The following GRIK2 variants were observed in gnomAD, a reference collection of about 807,000 sequenced individuals.
The protein encoded by GRIK2 is glutamate ionotropic receptor kainate type subunit 2, also known as glutamate receptor ionotropic, kainate 2.
GRIK2 carries 32 observed loss-of-function variants against 100.3 expected under a neutral mutation model. The ratio of observed to expected loss-of-function variants is 0.32; its 90% CI spans 0.24 to 0.43. The LOEUF is 0.43. Among genes scored for constraint, GRIK2 ranks in the 20% least tolerant of loss-of-function variants. The pLI is 1.00. For synonymous variants in GRIK2, 417 were observed against 389.4 expected (o/e 1.07, Z -0.83); for missense variants, 843 against 1,114.9 (o/e 0.76, Z 3.47).
intron 14 of GRIK2, among the ~76,000 whole-genome samples, chr6:101,966,177 G>C (rs1373191381): frequency 6.6e-6 from 1 of 151,950 alleles, no homozygotes; most frequent in African/African-American, 2.4e-5. Context: ...CCAAATTAAA[G>C]TTAATTATTC....
chr6:101,407,624 A>G (rs551193761), intron 2 of GRIK2, among the ~76,000 whole-genome samples: 59 of 151,622 alleles, frequency 3.9e-4, no homozygotes, highest in Admixed American at 1.8e-3. Flanking sequence ...GTGTAGCTCT[A>G]TCAGCCTCTT....
At chr6:101,621,321 C>T (rs988655751) in intron 2 of GRIK2, among the ~76,000 whole-genome samples, 1 of 152,040 alleles carries the variant, frequency 6.6e-6, no homozygotes, top group African/African-American at 2.4e-5. Context: ...GAAATGATGG[C>T]ACACGCCTGT....
At chr6:101,630,130 G>A (rs146350261) in intron 4 of GRIK2, among the ~76,000 whole-genome samples, 26 of 152,132 alleles carry the variant, frequency 1.7e-4, no homozygotes, top group African/African-American at 6.0e-4. Context: ...GGGCATCTTG[G>A]TTGATTCCAT....
chr6:101,752,514 T>G (rs1776857161), intron 7 of GRIK2, among the ~76,000 whole-genome samples: 1 of 152,196 alleles, frequency 6.6e-6, no homozygotes, highest in African/African-American at 2.4e-5. Context: ...AATATTTTAT[T>G]TCATTTCATT....
rs539038670 is a variant in GRIK2 at position 101,425,408 on chromosome 6, A to G, written c.115+26016A>G. ...TATATTTTAACAAGTATATTTTATT[A>G]TATAATTTCTATAATTATATTGCAT... On this transcript the variant is annotated intron_variant, in intron 2 of 16. Transcript: ENST00000369134. 9.8e-4 allele frequency among the ~76,000 whole-genome samples: 149 copies of G among 152,298 alleles called. 2 individuals are homozygous for G. The highest frequency in any genetic ancestry group is 2.3e-3 in the South Asian group (11 of 4,834).
rs139248847 is a variant in GRIK2, at chr6:101,500,481, G to A, written c.115+101089G>A. Among the ~76,000 whole-genome samples the A allele has an allele frequency of 1.1e-3, 166 of 152,130 alleles. 2 individuals carry two copies. In the East Asian group the frequency reaches 0.027, roughly 25 times the overall value. Reference sequence around the variant, plus strand: ...AGAGTTAACTAACTTTTAAGTTAACGTGACTTTGCAGATAACTACTTTTGG... The same window carrying A: ...AGAGTTAACTAACTTTTAAGTTAACATGACTTTGCAGATAACTACTTTTGG... On this transcript the variant is annotated intron_variant, in intron 2 of 16. Coordinates refer to ENST00000369134, the MANE Select transcript of GRIK2 (RefSeq NM_021956.5).
intron 2 of GRIK2, among the ~76,000 whole-genome samples, chr6:101,538,104 A>C (rs908882044): frequency 6.6e-6 from 1 of 151,806 alleles, no homozygotes; most frequent in African/African-American, 2.4e-5. Context: ...TCTTTTGCTT[A>C]CAGTATGATT....
intron 14 of GRIK2, among the ~76,000 whole-genome samples, chr6:101,967,063 A>T (rs981350070): frequency 2.0e-5 from 3 of 151,888 alleles, no homozygotes; most frequent in African/African-American, 7.2e-5. Flanking sequence ...AGTTGAAATA[A>T]AAAGATTGAG....
chr6:101,442,834 C>T (rs1227233345), intron 2 of GRIK2, among the ~76,000 whole-genome samples: 3 of 152,088 alleles, frequency 2.0e-5, no homozygotes, highest in Non-Finnish European at 4.4e-5. Context: ...CTGAGGGTGG[C>T]GGTTTTTGCT....
intron 7 of GRIK2, among the ~76,000 whole-genome samples, chr6:101,791,436 T>C (rs1779849095): frequency 6.6e-6 from 1 of 152,206 alleles, no homozygotes; most frequent in South Asian, 2.1e-4. Context: ...TCAAAGAAGA[T>C]CTTTATTTCT....
chr6:101,551,572 T>C (rs1776509070), intron 2 of GRIK2, among the ~76,000 whole-genome samples: 1 of 152,148 alleles, frequency 6.6e-6, no homozygotes, highest in African/African-American at 2.4e-5. Flanking sequence ...TTATTTTCAT[T>C]GATTTATTTA....
chr6:101,410,516 T>C (rs1775842004), intron 2 of GRIK2, among the ~76,000 whole-genome samples: 1 of 151,612 alleles, frequency 6.6e-6, no homozygotes, highest in Non-Finnish European at 1.5e-5. Context: ...CTAAACTGAC[T>C]TAAAAAAAAA....
At chr6:101,897,074 G>A (rs1413695821) in intron 12 of GRIK2, among the ~76,000 whole-genome samples, 2 of 150,348 alleles carry the variant, frequency 1.3e-5, no homozygotes, top group Admixed American at 6.7e-5. Context: ...AGCAGCACAC[G>A]TATAAAAAAT....
intron 14 of GRIK2, among the ~76,000 whole-genome samples, chr6:102,016,871 A>T (rs960772761): frequency 6.6e-6 from 1 of 152,154 alleles, no homozygotes; most frequent in Non-Finnish European, 1.5e-5. Flanking sequence ...AAAAGCAGCT[A>T]TAGAGAAAGG....
intron 7 of GRIK2, among the ~76,000 whole-genome samples, chr6:101,745,366 G>A (rs890808835): frequency 6.6e-6 from 1 of 152,016 alleles, no homozygotes; most frequent in African/African-American, 2.4e-5. Flanking sequence ...CTGGACTTTT[G>A]ATCAGACCCT....
chr6:101,592,353 C>T (rs1047313443), intron 2 of GRIK2, among the ~76,000 whole-genome samples: 1 of 151,080 alleles, frequency 6.6e-6, no homozygotes, highest in Non-Finnish European at 1.5e-5. Context: ...CTGTGATGAC[C>T]CCTTCACAGT....
At chr6:101,543,618 C>T (rs765168360) in intron 2 of GRIK2, among the ~76,000 whole-genome samples, 1 of 152,154 alleles carries the variant, frequency 6.6e-6, no homozygotes, top group Non-Finnish European at 1.5e-5. Context: ...GCCTGGCCTC[C>T]CGAGCCTGTG....
chr6:101,989,088 G>A (rs1227983440), intron 14 of GRIK2, among the ~76,000 whole-genome samples: 1 of 151,870 alleles, frequency 6.6e-6, no homozygotes, highest in Non-Finnish European at 1.5e-5. Context: ...CTTATGGAAT[G>A]ACCATTCATG....
chr6:101,589,479 G>A (rs6908225), intron 2 of GRIK2, among the ~76,000 whole-genome samples: 50,722 of 151,828 alleles, frequency 0.33, 8,605 homozygotes, highest in Middle Eastern at 0.42. Flanking sequence ...CTAGCTGCCA[G>A]TAAACACCAT....
Sources: allele counts gnomAD v4.1 joint callset (sites outside exome capture counted in the v4.1 genomes callset), GRCh38; gene constraint gnomAD v4.1.1; transcripts MANE v1.5; gene names NCBI Gene and HGNC (gene_info 2026-07-23, HGNC 2026-07-21).